Variants in MRPL1 observed in about 807,000 individuals in gnomAD.
The protein encoded by MRPL1 is mitochondrial ribosomal protein L1.
Under a neutral mutation model 38.0 loss-of-function variants are expected in MRPL1, and 28 were observed. That is an observed-to-expected ratio of 0.74 (90% CI 0.55 to 1.01). MRPL1 has a LOEUF of 1.01. Among genes scored for constraint, MRPL1 ranks in the 50% least tolerant of loss-of-function variants. The probability of loss-of-function intolerance (pLI) is 0.00; values close to 1 mark genes in which losing one functional copy is unlikely to be tolerated. For synonymous variants in MRPL1, 123 were observed against 126.7 expected, an observed-to-expected ratio of 0.97 and a Z score of 0.20; for missense variants, 358 against 389.8, an observed-to-expected ratio of 0.92 and a Z score of 0.69.
intron 5 of MRPL1, among the ~76,000 whole-genome samples, chr4:77,891,806 A>G (rs1735813344): frequency 6.6e-6 from 1 of 152,140 alleles, no homozygotes; most frequent in Non-Finnish European, 1.5e-5. Context: ...GAAGCCAAAG[A>G]CATTTTAAAA....
At chr4:77,922,067 A>G (rs1736593525) in intron 7 of MRPL1, among the ~76,000 whole-genome samples, 1 of 152,144 alleles carries the variant, frequency 6.6e-6, no homozygotes, top group South Asian at 2.1e-4. Flanking sequence ...ATAAAGGTAG[A>G]TATCTGTTGA....
chr4:77,912,512 A>T (rs1488685060), intron 7 of MRPL1, among the ~76,000 whole-genome samples: 1 of 152,204 alleles, frequency 6.6e-6, no homozygotes, highest in East Asian at 1.9e-4. Flanking sequence ...GATGTGGAAG[A>T]TCCATACACC....
intron 2 of MRPL1, among the ~76,000 whole-genome samples, chr4:77,875,983 A>T (rs754693033): frequency 2.0e-5 from 3 of 151,848 alleles, no homozygotes; most frequent in African/African-American, 2.4e-5. Context: ...TTATTTATTT[A>T]TTTTTTTGAG....
At chr4:77,876,514 T>G (rs1278338927) in intron 2 of MRPL1, among the ~76,000 whole-genome samples, 1 of 152,232 alleles carries the variant, frequency 6.6e-6, no homozygotes, top group Non-Finnish European at 1.5e-5. Context: ...ACAAGAAATA[T>G]GCCTACTCTT....
chr4:77,938,168 C>T (rs1445643034), intron 7 of MRPL1, among the ~76,000 whole-genome samples: 1 of 152,168 alleles, frequency 6.6e-6, no homozygotes, highest in South Asian at 2.1e-4. Context: ...TATAACTGTG[C>T]TCATTTATGT....
intron 8 of MRPL1, among the ~76,000 whole-genome samples, chr4:77,951,889 T>C (rs1737420049): frequency 6.6e-6 from 1 of 152,194 alleles, no homozygotes; most frequent in African/African-American, 2.4e-5. Flanking sequence ...CCTGCCAGGA[T>C]AGGCTTTGGC....
intron 7 of MRPL1, among the ~76,000 whole-genome samples, chr4:77,921,602 G>C (rs1009319313): frequency 6.6e-6 from 1 of 152,022 alleles, no homozygotes; most frequent in African/African-American, 2.4e-5. Context: ...TATCTTTGAA[G>C]AAAAACATGC....
chr4:77,877,393 C>T (rs1735422398), intron 2 of MRPL1, among the ~76,000 whole-genome samples: 1 of 151,224 alleles, frequency 6.6e-6, no homozygotes, highest in South Asian at 2.1e-4. Context: ...CTTCAAATTT[C>T]TGTAGTTACC....
At position 77,931,450 on chromosome 4, in the gene MRPL1, A is replaced by G. The variant is rs777038204; in HGVS notation, c.778-18347A>G. On this transcript the variant is annotated intron_variant, in intron 7 of 8. Coordinates refer to ENST00000315567, the MANE Select transcript of MRPL1 (RefSeq NM_020236.4). Reference sequence around the variant, plus strand: ...TAACTAGATGAACTGATGAAATAACAGAGGATATTGAAGCACAATTGTTAG... The same window carrying G: ...TAACTAGATGAACTGATGAAATAACGGAGGATATTGAAGCACAATTGTTAG... 1.5e-4 allele frequency among the ~76,000 whole-genome samples: 23 copies of G among 152,242 alleles called. 1 individual carries two copies. Among genetic ancestry groups the G allele is most frequent in the Non-Finnish European group, 1.6e-4 (11 of 68,040 alleles).
At chr4:77,931,707 A>G (rs1244908479) in intron 7 of MRPL1, among the ~76,000 whole-genome samples, 1 of 152,208 alleles carries the variant, frequency 6.6e-6, no homozygotes, top group Non-Finnish European at 1.5e-5. Flanking sequence ...ATATACATGG[A>G]CAGAGTGGCT....
chr4:77,946,856 C>G (rs898584361), intron 7 of MRPL1, among the ~76,000 whole-genome samples: 1 of 152,070 alleles, frequency 6.6e-6, no homozygotes, highest in Non-Finnish European at 1.5e-5. Context: ...ATCAGAGAAT[C>G]TATGAAGACC....
At chr4:77,866,515 C>T (rs960706862) in intron 1 of MRPL1, among the ~76,000 whole-genome samples, 4 of 152,130 alleles carry the variant, frequency 2.6e-5, no homozygotes, top group Non-Finnish European at 4.4e-5. Context: ...TACAAGTCTT[C>T]GATATCACCT....
chr4:77,868,574 A>G (rs999571771), intron 1 of MRPL1, among the ~76,000 whole-genome samples: 1 of 152,194 alleles, frequency 6.6e-6, no homozygotes, highest in Non-Finnish European at 1.5e-5. Flanking sequence ...AATTGTCCTA[A>G]GTGCTGTGAA....
intron 2 of MRPL1, among the ~76,000 whole-genome samples, chr4:77,879,129 G>A (rs1023260296): frequency 1.3e-5 from 2 of 152,170 alleles, no homozygotes; most frequent in African/African-American, 2.4e-5. Context: ...GAGAATCACA[G>A]TATTTAAGGG....
At chr4:77,884,244 CAAAAA>C (rs369596317) in intron 3 of MRPL1, among the ~76,000 whole-genome samples, 1 of 89,122 alleles carries the variant, frequency 1.1e-5, no homozygotes, top group African/African-American at 3.9e-5. Flanking sequence ...GACTCCATCT[CAAAAA>C]AAAAAAAAAA....
chr4:77,894,249 A>C lies in MRPL1; in HGVS notation c.669A>C (p.Arg223=), dbSNP rs750412936. ...ATAAAAAATATCCAAAGCTTTCTCG[A>C]AGTAAGAGAATTCCTATTATTTCAA... ...KLNKKYPKLS[R]NSIGRDIPKM... is the part of the protein sequence containing the mutation. Residue 223 remains arginine (R), a splice_region_variant and synonymous_variant, in exon 6 of 9, where the codon CGA becomes CGC. Transcript: ENST00000315567. 3.3e-6 allele frequency: 5 copies of C among 1,524,552 alleles called. No individual in the cohort carries two copies. The highest frequency in any genetic ancestry group is 4.5e-6 in the Non-Finnish European group (5 of 1,113,560). The allele number at this position is 1,524,552 out of a possible 1,614,324, so 94.4% of individuals were successfully genotyped here. A position where few individuals can be genotyped will look rare whatever the true frequency, so the allele number is the denominator to read the frequency against.
chr4:77,912,518 A>T (rs945507563), intron 7 of MRPL1, among the ~76,000 whole-genome samples: 7 of 152,224 alleles, frequency 4.6e-5, no homozygotes, highest in Non-Finnish European at 2.9e-5. Flanking sequence ...GAAGATCCAT[A>T]CACCGAAAAC....
At chr4:77,907,025 C>T (rs1388410012) in intron 6 of MRPL1, 1 of 985,198 alleles carries the variant, frequency 1.0e-6, no homozygotes, top group African/African-American at 1.7e-5. Flanking sequence ...CTGAGATAAT[C>T]CTAGGAATAA....
chr4:77,878,791 A>T (rs1735461201), intron 2 of MRPL1, among the ~76,000 whole-genome samples: 1 of 151,948 alleles, frequency 6.6e-6, no homozygotes, highest in Admixed American at 6.6e-5. Context: ...AGGCAGGAGA[A>T]CCGCTTGAAC....
Sources: gnomAD v4.1 joint callset for allele counts (sites outside exome capture counted in the v4.1 genomes callset) on GRCh38, gnomAD v4.1.1 for gene constraint, MANE v1.5 for transcripts, NCBI Gene and HGNC (gene_info 2026-07-23, HGNC 2026-07-21) for gene names.